The following STK39 variants were observed in gnomAD, a reference collection of about 807,000 sequenced individuals.
STK39 encodes serine/threonine kinase 39.
In STK39, 20 loss-of-function variants were observed where a neutral mutation model predicts 77.8. The ratio of observed to expected loss-of-function variants is 0.26; its 90% CI spans 0.18 to 0.37. The LOEUF is 0.37. Ranked by LOEUF, STK39 falls within the 10% of genes least tolerant of loss-of-function variation. The probability of loss-of-function intolerance (pLI) is 1.00; values close to 1 mark genes in which losing one functional copy is unlikely to be tolerated. For missense variants in STK39, 479 were observed against 656.5 expected (o/e 0.73, Z 2.95); for synonymous variants, 246 against 234.1 (o/e 1.05, Z -0.47).
At chr2:168,115,975 T>C (rs1687248638) in intron 10 of STK39, among the ~76,000 whole-genome samples, 1 of 152,190 alleles carries the variant, frequency 6.6e-6, no homozygotes, top group South Asian at 2.1e-4. Flanking sequence ...ACAGTCTCCA[T>C]GTCACAGACA....
At chr2:168,139,484 C>T (rs13385849) in intron 7 of STK39, among the ~76,000 whole-genome samples, 5,161 of 151,212 alleles carry the variant, frequency 0.034, 266 homozygotes, top group East Asian at 0.23. Flanking sequence ...GATGAGATTA[C>T]GGATGATTGT....
intron 14 of STK39, among the ~76,000 whole-genome samples, chr2:168,042,577 C>CTTTTTTTTTTTTTTTTT (rs540413448): frequency 7.5e-6 from 1 of 133,046 alleles, no homozygotes; most frequent in Non-Finnish European, 1.6e-5. Flanking sequence ...TTCCTTCCTT[C>CTTTTTTTTTTTTTTTTT]TTTTTTTTTT....
intron 10 of STK39, among the ~76,000 whole-genome samples, chr2:168,111,345 A>C (rs1196992455): frequency 6.6e-6 from 1 of 152,204 alleles, no homozygotes; most frequent in Non-Finnish European, 1.5e-5. Context: ...CATCTTCCTG[A>C]AAGTTATTTT....
Position 168,046,472 on chromosome 2 carries a change from G to A in STK39, c.1376+17028C>T, listed in dbSNP as rs751229123. Among the ~76,000 whole-genome samples, 2 of 152,194 alleles carry A rather than the reference G, an allele frequency of 1.3e-5. 1 individual carries two copies. Among genetic ancestry groups the A allele is most frequent in the Non-Finnish European group, 2.9e-5 (2 of 68,038 alleles). On this transcript the variant is annotated intron_variant, in intron 14 of 17. Coordinates refer to ENST00000355999, the MANE Select transcript of STK39 (RefSeq NM_013233.3). ...TCAGCATCCACGCACACCTACCCCC[G>A]TGTCTTGGTGTGGTGAAGGGGTCAC...
At chr2:168,224,514 A>G (rs1412504540) in intron 1 of STK39, among the ~76,000 whole-genome samples, 2 of 151,826 alleles carry the variant, frequency 1.3e-5, no homozygotes, top group East Asian at 3.8e-4. Flanking sequence ...ACACTAAGCC[A>G]GGCATTAGGT....
rs143252881 is a variant in STK39, at chr2:167,991,280, G to A, written c.1498+21354C>T. On this transcript the variant is annotated intron_variant, in intron 16 of 17. Coordinates refer to ENST00000355999, the MANE Select transcript of STK39 (RefSeq NM_013233.3). ...GACTGGAAAAACTAAGCCAAGAAGA[G>A]AACATTAAGTTGTATGCCTGTGATT... 8.7e-3 allele frequency among the ~76,000 whole-genome samples: 1,319 copies of A among 152,220 alleles called. 19 individuals are homozygous for A. The highest frequency in any genetic ancestry group is 0.03 in the African/African-American group (1,256 of 41,534).
At chr2:168,236,533 A>G (rs549667649) in intron 1 of STK39, among the ~76,000 whole-genome samples, 2 of 152,260 alleles carry the variant, frequency 1.3e-5, no homozygotes, top group Non-Finnish European at 2.9e-5. Flanking sequence ...GCCCATGCCT[A>G]TGTCCTGAAT....
intron 14 of STK39, among the ~76,000 whole-genome samples, chr2:168,020,036 T>C (rs1162688825): frequency 6.6e-6 from 1 of 152,192 alleles, no homozygotes; most frequent in Non-Finnish European, 1.5e-5. Context: ...ACGTCACCAC[T>C]GCACATTTAC....
intron 10 of STK39, among the ~76,000 whole-genome samples, chr2:168,103,051 G>C (rs1686877864): frequency 6.6e-6 from 1 of 151,934 alleles, no homozygotes; most frequent in South Asian, 2.1e-4. Context: ...GGGATGATGA[G>C]GCTACATCCC....
chr2:168,209,655 G>A (rs1182183849), intron 1 of STK39, among the ~76,000 whole-genome samples: 2 of 151,702 alleles, frequency 1.3e-5, no homozygotes, highest in African/African-American at 4.8e-5. Flanking sequence ...ACTCCAGCCT[G>A]GGGCGACAAG....
intron 13 of STK39, among the ~76,000 whole-genome samples, chr2:168,064,857 A>C (rs1280657762): frequency 6.6e-6 from 1 of 152,150 alleles, no homozygotes; most frequent in East Asian, 1.9e-4. Flanking sequence ...CTGTCCCATA[A>C]CTTTAATAAA....
At chr2:168,159,894 T>C (rs980491552) in intron 5 of STK39, among the ~76,000 whole-genome samples, 3 of 152,210 alleles carry the variant, frequency 2.0e-5, no homozygotes, top group African/African-American at 7.2e-5. Flanking sequence ...ACCTACCCTG[T>C]GCAGGGGCTT....
intron 8 of STK39, among the ~76,000 whole-genome samples, chr2:168,130,280 G>A (rs548268499): frequency 5.3e-5 from 8 of 152,284 alleles, no homozygotes; most frequent in Middle Eastern, 3.4e-3. Flanking sequence ...AGGTAAATGC[G>A]ATCGTGATTA....
intron 10 of STK39, among the ~76,000 whole-genome samples, chr2:168,117,344 C>T (rs949194519): frequency 3.3e-5 from 5 of 152,178 alleles, no homozygotes; most frequent in African/African-American, 1.2e-4. Flanking sequence ...CCCATGAAGA[C>T]GATCCTCATC....
chr2:168,007,300 C>G (rs541736962), intron 16 of STK39, among the ~76,000 whole-genome samples: 3 of 152,214 alleles, frequency 2.0e-5, no homozygotes, highest in Non-Finnish European at 4.4e-5. Flanking sequence ...ACACTAGAAT[C>G]CTATATCTCA....
Position 168,075,021 on chromosome 2 carries a change from A to G in STK39, c.1213-10T>C. On this transcript the variant is annotated splice_polypyrimidine_tract_variant and intron_variant, in intron 11 of 17. Transcript: ENST00000355999. Reference sequence around the variant, plus strand: ...CTTTTACTCTTCGTGACTGTAAAACAATTATGTATCCATTAATATATATAC... The same window carrying G: ...CTTTTACTCTTCGTGACTGTAAAACGATTATGTATCCATTAATATATATAC... 6.2e-7 allele frequency: 1 copy of G among 1,613,980 alleles called. No individual in the cohort carries two copies. Among genetic ancestry groups the G allele is most frequent in the Non-Finnish European group, 8.5e-7 (1 of 1,179,962 alleles).
chr2:168,144,358 T>C (rs866358701), intron 5 of STK39, among the ~76,000 whole-genome samples: 1 of 152,058 alleles, frequency 6.6e-6, no homozygotes, highest in Non-Finnish European at 1.5e-5. Context: ...AGGTGGAACA[T>C]AGTGGCATGA....
rs533176979 is a variant in STK39, at chr2:168,123,741, C to A, written c.1089+5800G>T. Among the ~76,000 whole-genome samples, 21 of 151,892 alleles carry A rather than the reference C, an allele frequency of 1.4e-4. No homozygotes were observed. In the East Asian group the frequency reaches 3.1e-3, roughly 22 times the overall value. The stretch of plus-strand genomic sequence containing the variant: ...AAAATTAGCCGGGCATGGTGGCGGG[C>A]ACCTGTAATCCCAGCTACTCAGGAG... On this transcript the variant is annotated intron_variant, in intron 10 of 17. Transcript: ENST00000355999.
chr2:168,129,532 G>A lies in STK39; in HGVS notation c.1089+9C>T. 2 of 1,613,994 alleles carry A rather than the reference G, an allele frequency of 1.2e-6. No individual in the cohort carries two copies. Among genetic ancestry groups the A allele is most frequent in the Non-Finnish European group, 1.7e-6 (2 of 1,179,918 alleles). ...TTCCTACAGGGTCATGAAGGCTAATGGCACTTACCTTTTTGGCTCTTTGGG... is the reference window on the plus strand; with the variant it reads ...TTCCTACAGGGTCATGAAGGCTAATAGCACTTACCTTTTTGGCTCTTTGGG... On this transcript the variant is annotated intron_variant, in intron 10 of 17. Transcript: ENST00000355999.
Sources: gnomAD v4.1 joint callset for allele counts (sites outside exome capture counted in the v4.1 genomes callset) on GRCh38, gnomAD v4.1.1 for gene constraint, MANE v1.5 for transcripts, NCBI Gene and HGNC (gene_info 2026-07-23, HGNC 2026-07-21) for gene names.